The following URI1 variants were observed in gnomAD, a reference collection of about 807,000 sequenced individuals.
URI1 encodes the protein URI1 prefoldin like chaperone, also known as unconventional prefoldin RPB5 interactor 1.
Under a neutral mutation model 60.2 loss-of-function variants are expected in URI1, and 39 were observed. That is an observed-to-expected ratio of 0.65 (90% confidence interval 0.50 to 0.85). The LOEUF (loss-of-function observed/expected upper bound fraction) is 0.85. Among genes scored for constraint, URI1 ranks in the 40% least tolerant of loss-of-function variants. The pLI, the probability that URI1 is intolerant of heterozygous loss-of-function variation, is 0.00. For synonymous variants in URI1, 251 were observed against 236.8 expected (o/e 1.06, Z -0.55); for missense variants, 691 against 665.9 (o/e 1.04, Z -0.42).
chr19:29,923,857 G>C, intron 1 of URI1: 1 of 1,179,290 alleles, frequency 8.5e-7, no homozygotes, highest in Non-Finnish European at 1.2e-6. Flanking sequence ...GAATGAACAA[G>C]ATACAGATGG....
intron 3 of URI1, 115 bp from the exon 4 acceptor site, chr19:29,986,167 C>T: frequency 9.8e-6 from 10 of 1,018,198 alleles, no homozygotes; most frequent in South Asian, 8.0e-5. Flanking sequence ...TTATTTTTCC[C>T]AATGTATAAA....
intron 1 of URI1, among the ~76,000 whole-genome samples, chr19:29,948,318 G>T (rs1599662498): frequency 6.6e-6 from 1 of 152,206 alleles, no homozygotes; most frequent in East Asian, 1.9e-4. Context: ...GGCATCAGGG[G>T]TCAACTTTTA....
chr19:30,015,957 A>C lies in URI1; in HGVS notation c.*888A>C. 5.9e-6 allele frequency: 1 copy of C among 169,678 alleles called. No homozygotes were observed. The highest frequency in any genetic ancestry group is 1.2e-5 in the Non-Finnish European group (1 of 80,196). The allele number at this position is 169,678 out of a possible 1,614,324, so 10.5% of individuals were successfully genotyped here. On this transcript the variant is annotated 3_prime_UTR_variant, in exon 11 of 11. Transcript: ENST00000392271. ...CATTCTTTAAGGCTACTTTCCTACT[A>C]ACTGAAATAACACATTTACTTTTAC...
At chr19:29,940,096 A>T (rs556266959), upstream of URI1, among the ~76,000 whole-genome samples, 3 of 152,276 alleles carry the variant, frequency 2.0e-5, no homozygotes, top group South Asian at 6.2e-4. Flanking sequence ...TAGAAAATTT[A>T]CTGGCCTTTT....
chr19:29,953,708 C>T (rs1264145355), intron 1 of URI1, among the ~76,000 whole-genome samples: 6 of 146,894 alleles, frequency 4.1e-5, no homozygotes, highest in African/African-American at 1.3e-4. Context: ...TTTTTTAGAG[C>T]GTAGTTAGGA....
chr19:29,955,014 A>AT (rs1407735784), intron 1 of URI1, among the ~76,000 whole-genome samples: 2 of 146,284 alleles, frequency 1.4e-5, no homozygotes, highest in East Asian at 2.0e-4. Context: ...TTTTTTTTTT[A>AT]TTTTTTTGGA....
chr19:29,951,543 G>A (rs1472034731), intron 1 of URI1, among the ~76,000 whole-genome samples: 2 of 151,590 alleles, frequency 1.3e-5, no homozygotes, highest in Admixed American at 6.6e-5. Context: ...GCTGGCTCAA[G>A]CATGCATTCT....
chr19:29,988,384 C>T (rs2055700239), intron 4 of URI1, among the ~76,000 whole-genome samples: 1 of 152,098 alleles, frequency 6.6e-6, no homozygotes, highest in South Asian at 2.1e-4. Context: ...CAACACGGGT[C>T]ATGATTTGTT....
intron 1 of URI1, among the ~76,000 whole-genome samples, chr19:29,963,382 C>A (rs150604817): frequency 6.6e-4 from 101 of 152,210 alleles, no homozygotes; most frequent in African/African-American, 2.3e-3. Flanking sequence ...GTTTAATCTT[C>A]TTTTAATGCC....
chr19:29,961,031 T>A (rs962514907), intron 1 of URI1, among the ~76,000 whole-genome samples: 131 of 146,874 alleles, frequency 8.9e-4, no homozygotes, highest in Middle Eastern at 3.5e-3. Context: ...AAAAAAAAAA[T>A]TTTTTTTTTT....
intron 2 of URI1, among the ~76,000 whole-genome samples, chr19:29,983,669 T>C (rs986168366): frequency 1.3e-5 from 2 of 152,196 alleles, no homozygotes; most frequent in African/African-American, 4.8e-5. Context: ...GCAGCCTGTA[T>C]CTTAGCAGGG....
intron 2 of URI1, among the ~76,000 whole-genome samples, 166 bp from the exon 3 acceptor site, chr19:29,985,057 G>A (rs928406290): frequency 9.1e-5 from 12 of 132,564 alleles, no homozygotes; most frequent in African/African-American, 2.8e-4. Context: ...GAGGTGGAGG[G>A]TGCAGTGAGC....
At chr19:29,963,249 C>A (rs192561596) in intron 1 of URI1, among the ~76,000 whole-genome samples, 2 of 152,192 alleles carry the variant, frequency 1.3e-5, no homozygotes, top group African/African-American at 4.8e-5. Context: ...CTTGCACTTA[C>A]ACTGTGTTTC....
exon 1 of URI1, chr19:29,923,683 A>AT: frequency 6.5e-7 from 1 of 1,536,478 alleles, no homozygotes; most frequent in South Asian, 1.2e-5. Flanking sequence ...CTTGGAGGTC[A>AT]CTGCCCTGAT....
intron 1 of URI1, among the ~76,000 whole-genome samples, chr19:29,952,550 C>CCAATACAAAA (rs1377616841): frequency 2.6e-5 from 4 of 151,814 alleles, no homozygotes; most frequent in Non-Finnish European, 4.4e-5. Flanking sequence ...CAAAGATAAA[C>CCAATACAAAA]CATTACAGAA....
intron 1 of URI1, among the ~76,000 whole-genome samples, chr19:29,943,776 C>G (rs2055062718): frequency 6.6e-6 from 1 of 151,820 alleles, no homozygotes; most frequent in Admixed American, 6.6e-5. Context: ...ATTTTCATTT[C>G]TCAGCCATTT....
chr19:29,953,258 T>A (rs1353671684), intron 1 of URI1, among the ~76,000 whole-genome samples: 1 of 152,146 alleles, frequency 6.6e-6, no homozygotes, highest in Non-Finnish European at 1.5e-5. Context: ...AAATAAAAAT[T>A]CAGTTTTTTG....
chr19:29,965,926 G>A (rs943340508), intron 1 of URI1, among the ~76,000 whole-genome samples: 1 of 152,204 alleles, frequency 6.6e-6, no homozygotes, highest in African/African-American at 2.4e-5. Context: ...TTAGAAGCCT[G>A]TGTAGGAGGA....
intron 1 of URI1, among the ~76,000 whole-genome samples, chr19:29,961,770 C>G (rs945959756): frequency 4.7e-5 from 7 of 150,414 alleles, no homozygotes; most frequent in Non-Finnish European, 7.4e-5. Context: ...ACTGCAACCT[C>G]TATCTCCTGG....
Sources: gnomAD v4.1 joint callset for allele counts (sites outside exome capture counted in the v4.1 genomes callset) on GRCh38, gnomAD v4.1.1 for gene constraint, MANE v1.5 for transcripts, NCBI Gene and HGNC (gene_info 2026-07-23, HGNC 2026-07-21) for gene names.